DGKB: variants seen among roughly 807,000 people sequenced by gnomAD.
The protein encoded by DGKB is diacylglycerol kinase beta, also known as 90 kDa diacylglycerol kinase.
A neutral mutation model predicts 114.3 loss-of-function variants in DGKB; 67 were observed. The ratio of observed to expected loss-of-function variants is 0.59; its 90% CI spans 0.48 to 0.72. The LOEUF is 0.72. DGKB is among the 30% of genes least tolerant of loss of function. The pLI, the probability that DGKB is intolerant of heterozygous loss-of-function variation, is 0.00. For synonymous variants in DGKB, 398 were observed against 323.1 expected, an observed-to-expected ratio of 1.23 and a Z score of -2.49; for missense variants, 907 against 975.2, an observed-to-expected ratio of 0.93 and a Z score of 0.93.
intron 2 of DGKB, among the ~76,000 whole-genome samples, chr7:14,819,491 G>T (rs1039620577): frequency 2.6e-5 from 4 of 152,168 alleles, no homozygotes; most frequent in African/African-American, 4.8e-5. Context: ...TCGGGAGGCT[G>T]AGGTGGAAGG....
intron 17 of DGKB, among the ~76,000 whole-genome samples, chr7:14,584,665 A>T (rs1482178491): frequency 1.3e-4 from 19 of 148,398 alleles, no homozygotes; most frequent in Admixed American, 6.1e-4. Flanking sequence ...TTTTATTTTT[A>T]TTTTTTTTTT....
intron 23 of DGKB, among the ~76,000 whole-genome samples, chr7:14,204,994 T>A (rs1450877495): frequency 1.3e-5 from 2 of 152,062 alleles, no homozygotes; most frequent in African/African-American, 4.8e-5. Flanking sequence ...TTTATCCTCT[T>A]AATCAACTTC....
At chr7:14,962,738 C>A (rs1786930416) in intron 1 of DGKB, among the ~76,000 whole-genome samples, 2 of 151,702 alleles carry the variant, frequency 1.3e-5, no homozygotes, top group Admixed American at 6.6e-5. Context: ...AAGTTTCTTA[C>A]AATGATTTCA....
chr7:14,163,367 T>G (rs563009829), intron 25 of DGKB, among the ~76,000 whole-genome samples: 22 of 152,124 alleles, frequency 1.4e-4, no homozygotes, highest in Non-Finnish European at 2.9e-4. Context: ...TGTTATGAAA[T>G]TAGGAAAAAT....
rs144329428 is a variant in DGKB at position 14,223,464 on chromosome 7, C to T, written c.2123-45313G>A. Among the ~76,000 whole-genome samples, 987 of 151,674 alleles carry T rather than the reference C, an allele frequency of 6.5e-3. 9 individuals are homozygous for T. Among genetic ancestry groups the T allele is most frequent in the African/African-American group, 0.022 (905 of 41,446 alleles). ...ATTACATCTATAAATGTTACAAACA[C>T]GTTACTTTCCTACATTATTACATTA... On this transcript the variant is annotated intron_variant, in intron 23 of 25. Coordinates refer to ENST00000402815, the MANE Select transcript of DGKB (RefSeq NM_001350709.2).
intron 21 of DGKB, among the ~76,000 whole-genome samples, chr7:14,406,602 A>G (rs1352908803): frequency 6.6e-6 from 1 of 151,996 alleles, no homozygotes; most frequent in East Asian, 1.9e-4. Context: ...CCTTGTTTCT[A>G]TTTAAAAAAA....
At chr7:14,188,325 A>C (rs1217482129) in intron 23 of DGKB, among the ~76,000 whole-genome samples, 2 of 152,182 alleles carry the variant, frequency 1.3e-5, no homozygotes, top group African/African-American at 4.8e-5. Context: ...AAAATTCCCA[A>C]GTATTGGTAG....
At chr7:14,838,523 A>ACTCTCTCTCTTCCCCTCTCT (rs553783219) in intron 2 of DGKB, among the ~76,000 whole-genome samples, 41 of 150,590 alleles carry the variant, frequency 2.7e-4, no homozygotes, top group African/African-American at 1.0e-3. Context: ...ATTTCAGATC[A>ACTCTCTCTCTTCCCCTCTCT]CTCTCTCTCT....
chr7:14,227,720 A>G (rs573585945), intron 23 of DGKB, among the ~76,000 whole-genome samples: 2 of 152,184 alleles, frequency 1.3e-5, no homozygotes, highest in South Asian at 4.1e-4. Flanking sequence ...ATAATGGCAT[A>G]TATATTTCAC....
At chr7:14,723,594 T>TAC (rs1829578984) in intron 5 of DGKB, among the ~76,000 whole-genome samples, 3 of 151,556 alleles carry the variant, frequency 2.0e-5, no homozygotes, top group South Asian at 4.1e-4. Flanking sequence ...TATATACACA[T>TAC]ACACACACAT....
chr7:14,915,349 G>T (rs1784192320), intron 1 of DGKB, among the ~76,000 whole-genome samples: 1 of 152,178 alleles, frequency 6.6e-6, no homozygotes, highest in Non-Finnish European at 1.5e-5. Flanking sequence ...CCACACTCCA[G>T]CCTGGCCTGA....
chr7:14,547,813 ATGAC>A (rs200640127), intron 20 of DGKB, among the ~76,000 whole-genome samples: 1,674 of 152,314 alleles, frequency 0.011, 15 homozygotes, highest in Non-Finnish European at 0.017. Context: ...TAGAAATTAA[ATGAC>A]TGAAAGAAAA....
chr7:14,612,579 T>C lies in DGKB; in HGVS notation c.1358+761A>G, dbSNP rs187564745. On this transcript the variant is annotated intron_variant, in intron 16 of 25. Coordinates refer to ENST00000402815, the MANE Select transcript of DGKB (RefSeq NM_001350709.2). ...ATTCATGGAAACATTTCAACTTTGCTATTTGGTGAGCCACAAAGGAAATTT... is the reference window on the plus strand; with the variant it reads ...ATTCATGGAAACATTTCAACTTTGCCATTTGGTGAGCCACAAAGGAAATTT... Among the ~76,000 whole-genome samples the C allele has an allele frequency of 1.8e-3, 272 of 152,280 alleles. 4 individuals carry two copies. Among genetic ancestry groups the C allele is most frequent in the African/African-American group, 6.3e-3 (262 of 41,564 alleles).
intron 1 of DGKB, among the ~76,000 whole-genome samples, chr7:14,950,583 A>G (rs2128260010): frequency 6.6e-6 from 1 of 152,126 alleles, no homozygotes; most frequent in African/African-American, 2.4e-5. Flanking sequence ...ATCCAAATAG[A>G]CCTATAATAA....
In DGKB at chr7:14,843,655, G is replaced by C. The variant is rs555105832; in HGVS notation, c.-187-2205C>G. ...AGCCAATAACTTTTTTTAAAGTCAA[G>C]GATTAAGTGAGCCAGAATAAGTTTT... On this transcript the variant is annotated intron_variant, in intron 1 of 25. Transcript: ENST00000402815. Among the ~76,000 whole-genome samples the C allele has an allele frequency of 4.6e-5, 7 of 152,262 alleles. No individual in the cohort carries two copies. In the East Asian group the frequency reaches 1.3e-3, roughly 29 times the overall value.
At chr7:14,427,073 G>GA (rs1303751033) in intron 21 of DGKB, among the ~76,000 whole-genome samples, 2 of 151,470 alleles carry the variant, frequency 1.3e-5, no homozygotes, top group African/African-American at 4.9e-5. Flanking sequence ...ATACAAGGGG[G>GA]AACACACACT....
Position 14,304,079 on chromosome 7 carries a change from ACACACACACTCTCT to A in DGKB, c.2122+34422_2122+34435del, listed in dbSNP as rs1275193169. 1.2e-4 allele frequency among the ~76,000 whole-genome samples: 11 copies of A among 94,342 alleles called. No homozygotes were observed. The East Asian group carries it at 3.0e-3, about 25-fold the overall frequency. The allele number at this position is 94,342 out of a possible 152,430, so 61.9% of individuals were successfully genotyped here. A position where few individuals can be genotyped will look rare whatever the true frequency, so the allele number is the denominator to read the frequency against. On this transcript the variant is annotated intron_variant, in intron 23 of 25. Coordinates refer to ENST00000402815, the MANE Select transcript of DGKB (RefSeq NM_001350709.2). ...CACACACACACACACACACACACAC[ACACACACACTCTCT>A]CTCTCTCACCCCTACCTCAAGCAAA...
At position 14,409,206 on chromosome 7, in the gene DGKB, C is replaced by T. The variant is rs893238533; in HGVS notation, c.1836-63815G>A. ...TGTTGTGAGTATCTGCTTAAAACTC[C>T]ACGTGATGCTAATCATCCCGAGGGA... On this transcript the variant is annotated intron_variant, in intron 21 of 25. Transcript: ENST00000402815. Among the ~76,000 whole-genome samples, 6 of 152,134 alleles carry T rather than the reference C, an allele frequency of 3.9e-5. 1 individual carries two copies. In the East Asian group the frequency reaches 9.7e-4, roughly 25 times the overall value.
intron 15 of DGKB, among the ~76,000 whole-genome samples, chr7:14,618,631 C>T (rs971539425): frequency 2.0e-5 from 3 of 151,546 alleles, no homozygotes; most frequent in Admixed American, 1.3e-4. Context: ...ATGACAAAGA[C>T]AGAGTGCCTA....
Sources: allele counts gnomAD v4.1 joint callset (sites outside exome capture counted in the v4.1 genomes callset), GRCh38; gene constraint gnomAD v4.1.1; transcripts MANE v1.5; gene names NCBI Gene and HGNC (gene_info 2026-07-23, HGNC 2026-07-21).